Variants in ANO6 observed in about 807,000 individuals in gnomAD.
ANO6 encodes anoctamin-6.
In ANO6, 106 loss-of-function variants were observed where a neutral mutation model predicts 117.5. The ratio of observed to expected loss-of-function variants is 0.90; its 90% CI spans 0.77 to 1.06. The LOEUF (loss-of-function observed/expected upper bound fraction) is 1.06, where lower values mean the gene tolerates loss of function less well. Among genes scored for constraint, ANO6 ranks in the 50% least tolerant of loss-of-function variants. The pLI is 0.00. For synonymous variants in ANO6, 367 were observed against 385.1 expected (o/e 0.95, Z 0.55); for missense variants, 955 against 1,121.1 (o/e 0.85, Z 2.12).
chr12:45,430,856 TG>T lies in ANO6; in HGVS notation c.*1548del, dbSNP rs902958573. 2.0e-6 allele frequency: 2 copies of T among 985,280 alleles called. No homozygotes were observed. The highest frequency in any genetic ancestry group is 3.5e-5 in the African/African-American group (2 of 57,208). The allele number at this position is 985,280 out of a possible 1,614,324, so 61.0% of individuals were successfully genotyped here. Reference sequence around the variant, plus strand: ...ACCCCTACTGGTAACAGGTCATTGCTGGGTGCACAAGAGGGAGGTGATTTGC... The same window carrying T: ...ACCCCTACTGGTAACAGGTCATTGCTGGTGCACAAGAGGGAGGTGATTTGC... On this transcript the variant is annotated 3_prime_UTR_variant, in exon 20 of 20. Transcript: ENST00000320560.
intron 1 of ANO6, among the ~76,000 whole-genome samples, chr12:45,267,921 A>G (rs1033706391): frequency 6.6e-6 from 1 of 152,200 alleles, no homozygotes; most frequent in Admixed American, 6.5e-5. Flanking sequence ...ATGAAAAGAT[A>G]AGTCAAAACT....
At chr12:45,342,097 GCAGAGTCA>G (rs1258015024) in intron 3 of ANO6, among the ~76,000 whole-genome samples, 2 of 152,038 alleles carry the variant, frequency 1.3e-5, no homozygotes, top group Non-Finnish European at 2.9e-5. Flanking sequence ...CTAGTAAATG[GCAGAGTCA>G]GGATTTCCAT....
In ANO6 at chr12:45,401,972, A is replaced by T. The variant is rs1390295343; in HGVS notation, c.1564A>T (p.Ile522Phe). ...ASIISFIIIMILNTIYEKVAI... is the reference protein window; with the variant it reads ...ASIISFIIIMFLNTIYEKVAI... ...CATCATCAGCTTTATAATTATCATGATTCTGAACACCATATATGAAAAAGT... is the reference window on the plus strand; with the variant it reads ...CATCATCAGCTTTATAATTATCATGTTTCTGAACACCATATATGAAAAAGT... Residue 522 changes from isoleucine (I) to phenylalanine (F), a missense_variant, in exon 13 of 20, where the codon ATT becomes TTT. Transcript: ENST00000320560. 1.9e-6 allele frequency: 3 copies of T among 1,613,932 alleles called. No homozygotes were observed. The highest frequency in any genetic ancestry group is 1.3e-5 in the African/African-American group (1 of 74,878).
At chr12:45,330,889 G>T (rs891642474) in intron 2 of ANO6, among the ~76,000 whole-genome samples, 9 of 151,990 alleles carry the variant, frequency 5.9e-5, no homozygotes, top group Admixed American at 2.0e-4. Context: ...TAAGAAGGAT[G>T]AGATTTTCAT....
At chr12:45,379,537 G>A (rs527298663) in intron 10 of ANO6, among the ~76,000 whole-genome samples, 13 of 152,050 alleles carry the variant, frequency 8.5e-5, no homozygotes, top group African/African-American at 1.7e-4. Flanking sequence ...CTCCCCTTCC[G>A]CCCAGTAAGA....
intron 2 of ANO6, among the ~76,000 whole-genome samples, chr12:45,324,144 G>A (rs1940382714): frequency 6.6e-6 from 1 of 151,902 alleles, no homozygotes; most frequent in African/African-American, 2.4e-5. Context: ...TCCATGTTGA[G>A]GCTGGTCTCG....
intron 1 of ANO6, among the ~76,000 whole-genome samples, chr12:45,265,004 C>T (rs766985566): frequency 1.3e-5 from 2 of 152,148 alleles, no homozygotes; most frequent in Non-Finnish European, 2.9e-5. Flanking sequence ...TTATCAGGCT[C>T]TGTCATTTAT....
chr12:45,359,900 A>G (rs925889474), intron 8 of ANO6, among the ~76,000 whole-genome samples: 3 of 152,212 alleles, frequency 2.0e-5, no homozygotes, highest in Non-Finnish European at 2.9e-5. Context: ...TCCACCTGCA[A>G]TGTATGAGGA....
At chr12:45,275,237 A>C (rs1017726630) in intron 1 of ANO6, among the ~76,000 whole-genome samples, 1 of 151,884 alleles carries the variant, frequency 6.6e-6, no homozygotes, top group African/African-American at 2.4e-5. Flanking sequence ...TTGAGATGGA[A>C]TCTTGCTCTG....
chr12:45,391,862 A>G (rs1250084254), intron 12 of ANO6, among the ~76,000 whole-genome samples: 1 of 152,192 alleles, frequency 6.6e-6, no homozygotes, highest in East Asian at 1.9e-4. Context: ...CTGTCTCAAA[A>G]AAAATGTTAA....
rs116295652 is a variant in ANO6 at position 45,244,408 on chromosome 12, G to T, written c.70+28017G>T. Among the ~76,000 whole-genome samples, 286 of 148,888 alleles carry T rather than the reference G, an allele frequency of 1.9e-3. 3 individuals carry two copies. Among genetic ancestry groups the T allele is most frequent in the African/African-American group, 6.7e-3 (269 of 40,080 alleles). ...CTACATAGGGCTTCTCTATTTGGGG[G>T]GGGGGGGTGGTCTGTGGATCTGCAT... is the stretch of plus-strand genomic sequence containing the variant. On this transcript the variant is annotated intron_variant, in intron 1 of 19. Transcript: ENST00000320560.
intron 12 of ANO6, among the ~76,000 whole-genome samples, chr12:45,397,248 C>G (rs1942642935): frequency 6.6e-6 from 1 of 152,184 alleles, no homozygotes; most frequent in African/African-American, 2.4e-5. Context: ...TGCTCATCAT[C>G]ATTGGTCATC....
At chr12:45,372,720 A>G (rs1941881356) in intron 9 of ANO6, among the ~76,000 whole-genome samples, 1 of 152,172 alleles carries the variant, frequency 6.6e-6, no homozygotes, top group Non-Finnish European at 1.5e-5. Context: ...AGCACTAAAC[A>G]TGGAAAGGAA....
At chr12:45,231,329 C>A (rs560175766) in intron 1 of ANO6, among the ~76,000 whole-genome samples, 5 of 152,104 alleles carry the variant, frequency 3.3e-5, no homozygotes, top group Non-Finnish European at 7.4e-5. Context: ...AAAATAGGTA[C>A]GTGAATTAAT....
intron 17 of ANO6, among the ~76,000 whole-genome samples, chr12:45,418,048 T>TG (rs1343846311): frequency 6.6e-6 from 1 of 152,230 alleles, no homozygotes; most frequent in African/African-American, 2.4e-5. Context: ...ATTGAGTTAA[T>TG]GCATGAAGCC....
At chr12:45,260,570 G>A (rs1937991266) in intron 1 of ANO6, among the ~76,000 whole-genome samples, 1 of 150,742 alleles carries the variant, frequency 6.6e-6, no homozygotes, top group Admixed American at 6.6e-5. Context: ...ACCTCCCAAA[G>A]CATAATAATG....
At chr12:45,372,542 G>C (rs1172570100) in intron 9 of ANO6, among the ~76,000 whole-genome samples, 13 of 142,692 alleles carry the variant, frequency 9.1e-5, no homozygotes, top group Admixed American at 8.5e-4. Context: ...CCAGAAGAGA[G>C]TGGGGGCCAA....
chr12:45,305,762 T>A (rs976480464), intron 2 of ANO6, among the ~76,000 whole-genome samples: 1 of 151,992 alleles, frequency 6.6e-6, no homozygotes, highest in African/African-American at 2.4e-5. Context: ...AGCAGATAAA[T>A]GTTGTTCTGC....
chr12:45,224,900 G>C (rs1354897789), intron 1 of ANO6, among the ~76,000 whole-genome samples: 1 of 152,128 alleles, frequency 6.6e-6, no homozygotes, highest in East Asian at 1.9e-4. Flanking sequence ...AAGAATACCG[G>C]AAATAAAGGG....
Sources: allele counts gnomAD v4.1 joint callset (sites outside exome capture counted in the v4.1 genomes callset), GRCh38; gene constraint gnomAD v4.1.1; transcripts MANE v1.5; gene names NCBI Gene and HGNC (gene_info 2026-07-23, HGNC 2026-07-21).